The following NKAIN3 variants were observed in gnomAD, a reference collection of about 807,000 sequenced individuals.
NKAIN3 encodes the protein sodium/potassium transporting ATPase interacting 3.
In NKAIN3, 25 loss-of-function variants were observed where a neutral mutation model predicts 30.2. The ratio of observed to expected loss-of-function variants is 0.83; its 90% confidence interval spans 0.60 to 1.16. The LOEUF (loss-of-function observed/expected upper bound fraction) is 1.16, where lower values mean the gene tolerates loss of function less well. Among genes scored for constraint, NKAIN3 ranks in the 50% most tolerant of loss-of-function variants. The pLI is 0.00. For synonymous variants in NKAIN3, 91 were observed against 89.6 expected, an observed-to-expected ratio of 1.02 and a Z score of -0.09; for missense variants, 225 against 254.1, an observed-to-expected ratio of 0.89 and a Z score of 0.78.
At chr8:62,739,584 GTTTTTTTTTAAAATAATAGCA>G (rs1586148316) in intron 3 of NKAIN3, among the ~76,000 whole-genome samples, 1 of 151,230 alleles carries the variant, frequency 6.6e-6, no homozygotes, top group East Asian at 1.9e-4. Flanking sequence ...CCATGCATAG[GTTTTTTTTTAAAATAATAGCA>G]TTTTCCATGA....
At chr8:62,735,374 C>CTTTTTT (rs1471995692) in intron 3 of NKAIN3, among the ~76,000 whole-genome samples, 2 of 9,890 alleles carry the variant, frequency 2.0e-4, no homozygotes, top group Admixed American at 1.6e-3. Flanking sequence ...TTCTTTCTTT[C>CTTTTTT]TTTCTTTTTT....
At chr8:62,345,437 GTA>G (rs1398362311) in intron 1 of NKAIN3, among the ~76,000 whole-genome samples, 6 of 119,944 alleles carry the variant, frequency 5.0e-5, no homozygotes, top group South Asian at 2.5e-4. Flanking sequence ...ACACATATAT[GTA>G]TATATACACA....
chr8:62,832,304 C>A (rs1819222577), intron 4 of NKAIN3, among the ~76,000 whole-genome samples: 1 of 144,202 alleles, frequency 6.9e-6, no homozygotes, highest in Non-Finnish European at 1.5e-5. Flanking sequence ...CACACACACA[C>A]TCTTAAGTAC....
chr8:62,569,022 A>G (rs1809841515), intron 1 of NKAIN3, among the ~76,000 whole-genome samples: 1 of 152,206 alleles, frequency 6.6e-6, no homozygotes, highest in African/African-American at 2.4e-5. Flanking sequence ...CTAAAAACCA[A>G]GTAACAGGAA....
intron 4 of NKAIN3, among the ~76,000 whole-genome samples, chr8:62,774,054 T>C (rs1201639607): frequency 2.6e-5 from 4 of 152,252 alleles, no homozygotes; most frequent in Non-Finnish European, 4.4e-5. Flanking sequence ...AAAATATCTT[T>C]CCATTTTTCT....
intron 1 of NKAIN3, among the ~76,000 whole-genome samples, chr8:62,413,195 G>A (rs1804317898): frequency 6.6e-6 from 1 of 152,168 alleles, no homozygotes; most frequent in Admixed American, 6.5e-5. Context: ...ACTGCTGGTG[G>A]GAATGTAAAT....
chr8:62,516,307 T>C (rs1038592012), intron 1 of NKAIN3, among the ~76,000 whole-genome samples: 6 of 152,142 alleles, frequency 3.9e-5, no homozygotes, highest in Non-Finnish European at 7.4e-5. Flanking sequence ...CTAAACAGTC[T>C]ACCATTTCAC....
chr8:62,867,542 T>C (rs1820465608), intron 4 of NKAIN3, among the ~76,000 whole-genome samples: 5 of 152,204 alleles, frequency 3.3e-5, no homozygotes, highest in Non-Finnish European at 7.3e-5. Context: ...TTGACCAATG[T>C]CTGTCATAGC....
chr8:62,965,664 T>C lies in NKAIN3; in HGVS notation c.*257T>C. 1.0e-6 allele frequency: 1 copy of C among 980,896 alleles called. No homozygotes were observed. Among genetic ancestry groups the C allele is most frequent in the Non-Finnish European group, 1.2e-6 (1 of 825,908 alleles). The allele number at this position is 980,896 out of a possible 1,614,324, so 60.8% of individuals were successfully genotyped here. A position where few individuals can be genotyped will look rare whatever the true frequency, so the allele number is the denominator to read the frequency against. On this transcript the variant is annotated 3_prime_UTR_variant, in exon 7 of 7. Coordinates refer to ENST00000623646, the MANE Select transcript of NKAIN3 (RefSeq NM_001304533.3). ...AAAAACAGAATTTGGTTTTAAATTTTTAACAATATTTAATGTGAGGCATGC... is the reference window on the plus strand; with the variant it reads ...AAAAACAGAATTTGGTTTTAAATTTCTAACAATATTTAATGTGAGGCATGC...
At position 62,982,124 on chromosome 8, in the gene NKAIN3, G is replaced by A. The variant is rs1184770715; in HGVS notation, c.*16717G>A. On this transcript the variant is annotated 3_prime_UTR_variant, in exon 7 of 7. Transcript: ENST00000623646. ...GGATAGTTAAGGTAAGAGCCTGCAG[G>A]CAGCACTGTATTGCTTTACAAAACA... The A allele has an allele frequency of 3.9e-5, 6 of 152,110 alleles. No individual in the cohort carries two copies. The highest frequency in any genetic ancestry group is 2.6e-4 in the Admixed American group (4 of 15,278). 9.4% of individuals were successfully genotyped at this position (152,110 alleles called of 1,614,324 possible).
intron 1 of NKAIN3, among the ~76,000 whole-genome samples, chr8:62,428,752 C>A (rs1269219167): frequency 4.6e-5 from 7 of 151,706 alleles, no homozygotes; most frequent in Non-Finnish European, 1.5e-5. Context: ...GATATTTTTG[C>A]AAATATCTTC....
chr8:62,484,443 C>G (rs1806836193), intron 1 of NKAIN3, among the ~76,000 whole-genome samples: 1 of 152,188 alleles, frequency 6.6e-6, no homozygotes, highest in Non-Finnish European at 1.5e-5. Flanking sequence ...GCTTTCTGCT[C>G]CGTGGGGTTT....
At chr8:62,760,155 G>C (rs1816601479) in intron 4 of NKAIN3, among the ~76,000 whole-genome samples, 1 of 152,104 alleles carries the variant, frequency 6.6e-6, no homozygotes, top group South Asian at 2.1e-4. Context: ...TGGAGTAATA[G>C]GAACACTTTT....
intron 1 of NKAIN3, among the ~76,000 whole-genome samples, chr8:62,405,806 T>A (rs1483246546): frequency 1.3e-5 from 2 of 152,202 alleles, no homozygotes; most frequent in African/African-American, 4.8e-5. Flanking sequence ...TGATCATCAG[T>A]GGATGTTTCT....
intron 4 of NKAIN3, among the ~76,000 whole-genome samples, chr8:62,748,121 A>G (rs865801332): frequency 6.6e-6 from 1 of 152,224 alleles, no homozygotes; most frequent in African/African-American, 2.4e-5. Flanking sequence ...AGTTCTGTGC[A>G]TTAGGAATTT....
intron 3 of NKAIN3, among the ~76,000 whole-genome samples, chr8:62,702,338 A>G (rs867534357): frequency 2.0e-4 from 30 of 152,210 alleles, no homozygotes; most frequent in African/African-American, 7.0e-4. Flanking sequence ...TATCCAGTTT[A>G]AGACAGGAGA....
chr8:62,850,052 CT>C lies in NKAIN3; in HGVS notation c.472-68400del, dbSNP rs1819838940. On this transcript the variant is annotated intron_variant, in intron 4 of 6. Coordinates refer to ENST00000623646, the MANE Select transcript of NKAIN3 (RefSeq NM_001304533.3). Reference sequence around the variant, plus strand: ...CACACTGACTTCCAAAATGGTTGAACTAGTTTACAGTCTCACCAACAGAGTA... The same window carrying C: ...CACACTGACTTCCAAAATGGTTGAACAGTTTACAGTCTCACCAACAGAGTA... Among the ~76,000 whole-genome samples, 5 of 152,220 alleles carry C rather than the reference CT, an allele frequency of 3.3e-5. No individual in the cohort carries two copies. In the South Asian group the frequency reaches 1.0e-3, roughly 32 times the overall value.
At chr8:62,958,734 A>G (rs1279591587) in intron 6 of NKAIN3, among the ~76,000 whole-genome samples, 2 of 152,220 alleles carry the variant, frequency 1.3e-5, no homozygotes, top group Non-Finnish European at 2.9e-5. Flanking sequence ...AAGTTTGTCA[A>G]AATCATGACT....
At chr8:62,692,474 A>T (rs1168258274) in intron 3 of NKAIN3, among the ~76,000 whole-genome samples, 1 of 152,164 alleles carries the variant, frequency 6.6e-6, no homozygotes, top group Non-Finnish European at 1.5e-5. Flanking sequence ...CTCAAGATTT[A>T]TGAGAAAGAG....
Sources: allele counts gnomAD v4.1 joint callset (sites outside exome capture counted in the v4.1 genomes callset), GRCh38; gene constraint gnomAD v4.1.1; transcripts MANE v1.5; gene names NCBI Gene and HGNC (gene_info 2026-07-23, HGNC 2026-07-21).